PDE6D: variants seen among roughly 807,000 people sequenced by gnomAD.
PDE6D encodes retinal rod rhodopsin-sensitive cGMP 3',5'-cyclic phosphodiesterase subunit delta.
Under a neutral mutation model 21.9 loss-of-function variants are expected in PDE6D, and 10 were observed. The ratio of observed to expected loss-of-function variants is 0.46; its 90% CI spans 0.28 to 0.78. The LOEUF is 0.78. PDE6D is among the 30% of genes least tolerant of loss of function. The probability of loss-of-function intolerance (pLI) is 0.12; values close to 1 mark genes in which losing one functional copy is unlikely to be tolerated. For missense variants in PDE6D, 139 were observed against 184.8 expected (o/e 0.75, Z 1.44); for synonymous variants, 59 against 63.5 (o/e 0.93, Z 0.34).
intron 1 of PDE6D, among the ~76,000 whole-genome samples, chr2:231,763,286 C>T (rs1330160533): frequency 1.3e-5 from 2 of 152,174 alleles, no homozygotes; most frequent in Non-Finnish European, 2.9e-5. Context: ...AGCATTATTG[C>T]AGTCATCTTG....
At chr2:231,734,779 G>A (rs1475145144) in intron 4 of PDE6D, among the ~76,000 whole-genome samples, 3 of 150,002 alleles carry the variant, frequency 2.0e-5, no homozygotes, top group Admixed American at 6.6e-5. Context: ...CCTGGGAGGC[G>A]GAGGTTGCAG....
intron 1 of PDE6D, among the ~76,000 whole-genome samples, chr2:231,756,601 C>CTTTTTTT (rs78576087): frequency 8.6e-6 from 1 of 116,456 alleles, no homozygotes; most frequent in African/African-American, 3.2e-5. Context: ...CTAAACCTGG[C>CTTTTTTT]TTTTTTTTTT....
intron 1 of PDE6D, among the ~76,000 whole-genome samples, chr2:231,743,141 C>T (rs1428549167): frequency 1.3e-5 from 2 of 151,996 alleles, no homozygotes; most frequent in African/African-American, 2.4e-5. Flanking sequence ...CGAGAAAAGT[C>T]TCGGCTGGGC....
intron 1 of PDE6D, among the ~76,000 whole-genome samples, chr2:231,759,909 CA>C (rs2106277957): frequency 6.6e-6 from 1 of 152,156 alleles, no homozygotes; most frequent in African/African-American, 2.4e-5. Flanking sequence ...GCCCCCAAAA[CA>C]GGGAAAAAAG....
chr2:231,756,606 T>TTC (rs1425840985), intron 1 of PDE6D, among the ~76,000 whole-genome samples: 25 of 149,674 alleles, frequency 1.7e-4, no homozygotes, highest in African/African-American at 5.9e-4. Context: ...CCTGGCTTTT[T>TTC]TTTTTTTTTT....
At chr2:231,773,930 CATTATT>C (rs567039985) in intron 1 of PDE6D, among the ~76,000 whole-genome samples, 2 of 151,406 alleles carry the variant, frequency 1.3e-5, no homozygotes, top group East Asian at 1.9e-4. Context: ...ACACTATTGT[CATTATT>C]ATTATTATTA....
chr2:231,770,719 G>A (rs1384311069), intron 1 of PDE6D, among the ~76,000 whole-genome samples: 1 of 152,136 alleles, frequency 6.6e-6, no homozygotes, highest in Non-Finnish European at 1.5e-5. Context: ...TTGGGAAGCT[G>A]AGGTGAATGG....
intron 1 of PDE6D, among the ~76,000 whole-genome samples, chr2:231,770,821 C>T (rs2049009450): frequency 6.6e-6 from 1 of 151,930 alleles, no homozygotes; most frequent in East Asian, 1.9e-4. Context: ...GGTGTGGTGG[C>T]AGGCGCCTGT....
intron 1 of PDE6D, among the ~76,000 whole-genome samples, chr2:231,746,350 C>T (rs183719415): frequency 2.6e-5 from 4 of 152,164 alleles, no homozygotes; most frequent in South Asian, 2.1e-4. Flanking sequence ...ACTATGTTGC[C>T]CAGGCTGGTC....
chr2:231,762,347 T>TG (rs1438086570), intron 1 of PDE6D, among the ~76,000 whole-genome samples: 1 of 147,142 alleles, frequency 6.8e-6, no homozygotes, highest in Non-Finnish European at 1.5e-5. Flanking sequence ...CGCTTTTTTT[T>TG]TTTTTTTTTT....
intron 1 of PDE6D, among the ~76,000 whole-genome samples, chr2:231,753,379 CCAAAAAA>C (rs1277314641): frequency 1.8e-4 from 27 of 150,862 alleles, no homozygotes; most frequent in Non-Finnish European, 2.7e-4. Flanking sequence ...AAAAAAAACC[CCAAAAAA>C]CAAAAAACAA....
intron 1 of PDE6D, among the ~76,000 whole-genome samples, chr2:231,776,853 A>G (rs1007872624): frequency 1.8e-4 from 27 of 152,360 alleles, no homozygotes; most frequent in African/African-American, 6.0e-4. Flanking sequence ...CATTCATAAC[A>G]TTAATTTACA....
chr2:231,750,637 G>C (rs544649863), intron 1 of PDE6D, among the ~76,000 whole-genome samples: 1 of 148,722 alleles, frequency 6.7e-6, no homozygotes, highest in Non-Finnish European at 1.5e-5. Flanking sequence ...GGGATTACAG[G>C]TGTGTGCCAC....
At chr2:231,765,699 T>C (rs965832752) in intron 1 of PDE6D, among the ~76,000 whole-genome samples, 13 of 152,200 alleles carry the variant, frequency 8.5e-5, no homozygotes, top group Admixed American at 7.9e-4. Context: ...CTGCAATGAC[T>C]AGCAGTAAAC....
At chr2:231,775,356 G>A (rs75409418) in intron 1 of PDE6D, among the ~76,000 whole-genome samples, 2,022 of 152,124 alleles carry the variant, frequency 0.013, 31 homozygotes, top group Non-Finnish European at 0.018. Flanking sequence ...TACCCTGGTT[G>A]GAATGCAGTG....
In PDE6D at chr2:231,761,564, C is replaced by T. The variant is rs1286930292; in HGVS notation, c.50+19501G>A. On this transcript the variant is annotated intron_variant, in intron 1 of 4. Coordinates refer to ENST00000287600, the MANE Select transcript of PDE6D (RefSeq NM_002601.4). Reference sequence around the variant, plus strand: ...TTTTGCATTTCTCAGGGCTAGCTTTCTAACAGTCTTGTTTAACTTAACTGC... The same window carrying T: ...TTTTGCATTTCTCAGGGCTAGCTTTTTAACAGTCTTGTTTAACTTAACTGC... 5.9e-5 allele frequency among the ~76,000 whole-genome samples: 9 copies of T among 152,308 alleles called. No homozygotes were observed. The East Asian group carries it at 1.2e-3, about 20-fold the overall frequency.
chr2:231,752,215 T>C (rs563723585), intron 1 of PDE6D, among the ~76,000 whole-genome samples: 1 of 150,350 alleles, frequency 6.7e-6, no homozygotes, highest in East Asian at 1.9e-4. Context: ...GTATGTTAGT[T>C]TATAGTCAGA....
At chr2:231,751,018 C>T (rs2048835324) in intron 1 of PDE6D, among the ~76,000 whole-genome samples, 1 of 151,932 alleles carries the variant, frequency 6.6e-6, no homozygotes, top group South Asian at 2.1e-4. Context: ...TGATATTATC[C>T]CAAATCCTCA....
At chr2:231,761,816 C>T (rs1449290038) in intron 1 of PDE6D, among the ~76,000 whole-genome samples, 2 of 152,048 alleles carry the variant, frequency 1.3e-5, no homozygotes, top group Non-Finnish European at 2.9e-5. Context: ...ACTGGTGCTC[C>T]CAGCAGTCAA....
Sources: allele counts gnomAD v4.1 joint callset (sites outside exome capture counted in the v4.1 genomes callset), GRCh38; gene constraint gnomAD v4.1.1; transcripts MANE v1.5; gene names NCBI Gene and HGNC (gene_info 2026-07-23, HGNC 2026-07-21).